Variants in ST6GALNAC5 observed in about 807,000 individuals in gnomAD.
ST6GALNAC5 encodes the protein ST6 N-acetylgalactosaminide alpha-2,6-sialyltransferase 5, also known as alpha-N-acetylgalactosaminide alpha-2,6-sialyltransferase 5.
In ST6GALNAC5, 27 loss-of-function variants were observed where a neutral mutation model predicts 33.6. That is an observed-to-expected ratio of 0.80 (90% confidence interval 0.59 to 1.11). The LOEUF (loss-of-function observed/expected upper bound fraction) is 1.11. Ranked by LOEUF, ST6GALNAC5 falls within the 50% of genes least tolerant of loss-of-function variation. The pLI is 0.00. For missense variants in ST6GALNAC5, 428 were observed against 454.0 expected (o/e 0.94, Z 0.52); for synonymous variants, 194 against 171.2 (o/e 1.13, Z -1.04).
intron 2 of ST6GALNAC5, among the ~76,000 whole-genome samples, chr1:77,041,481 T>C (rs565010372): frequency 6.6e-6 from 1 of 152,360 alleles, no homozygotes; most frequent in South Asian, 2.1e-4. Flanking sequence ...TGGTACGTAA[T>C]AGGAATTTCA....
chr1:76,992,735 T>A (rs531227879), intron 2 of ST6GALNAC5, among the ~76,000 whole-genome samples: 4 of 152,168 alleles, frequency 2.6e-5, no homozygotes, highest in Non-Finnish European at 5.9e-5. Flanking sequence ...GCTCAAGTTA[T>A]CTGCCCACCT....
At chr1:76,969,008 TA>T (rs1301349496) in intron 2 of ST6GALNAC5, among the ~76,000 whole-genome samples, 2 of 152,300 alleles carry the variant, frequency 1.3e-5, no homozygotes, top group Non-Finnish European at 2.9e-5. Flanking sequence ...TGGTTGCCCT[TA>T]ACTTTTTTCC....
chr1:76,945,321 A>G (rs776073343), intron 2 of ST6GALNAC5, among the ~76,000 whole-genome samples: 2 of 152,122 alleles, frequency 1.3e-5, no homozygotes, highest in African/African-American at 2.4e-5. Context: ...TTTTGATTAG[A>G]CCAGAAGCAT....
At chr1:77,029,100 T>G (rs1383640500) in intron 2 of ST6GALNAC5, among the ~76,000 whole-genome samples, 2 of 152,124 alleles carry the variant, frequency 1.3e-5, no homozygotes, top group Non-Finnish European at 1.5e-5. Context: ...AATATAGACT[T>G]CCCTCTTTAG....
At chr1:76,976,181 G>C (rs1380759416) in intron 2 of ST6GALNAC5, among the ~76,000 whole-genome samples, 1 of 151,962 alleles carries the variant, frequency 6.6e-6, no homozygotes, top group African/African-American at 2.4e-5. Context: ...GGACTTCCAG[G>C]GTGCTGATAT....
At chr1:76,867,861 C>T (rs1400650917) in intron 1 of ST6GALNAC5, among the ~76,000 whole-genome samples, 171 bp downstream of exon 1, 1 of 152,058 alleles carries the variant, frequency 6.6e-6, no homozygotes, top group Non-Finnish European at 1.5e-5. Flanking sequence ...TCCAGCTCTG[C>T]CTGGCTCGGA....
intron 4 of ST6GALNAC5, among the ~76,000 whole-genome samples, chr1:77,054,177 T>A (rs1652316485): frequency 6.6e-6 from 1 of 152,216 alleles, no homozygotes; most frequent in South Asian, 2.1e-4. Flanking sequence ...AATTAAATCA[T>A]GAGGTACAGA....
chr1:76,915,285 C>T lies in ST6GALNAC5; in HGVS notation c.261+46543C>T, dbSNP rs1344155008. Reference sequence around the variant, plus strand: ...TCAACCATCGTGGAAGTCAGTGTGGCGATTCCTCAGGGATCTAGAACTAGA... The same window carrying T: ...TCAACCATCGTGGAAGTCAGTGTGGTGATTCCTCAGGGATCTAGAACTAGA... On this transcript the variant is annotated intron_variant, in intron 2 of 4. Transcript: ENST00000477717. Among the ~76,000 whole-genome samples, 4 of 151,870 alleles carry T rather than the reference C, an allele frequency of 2.6e-5. No individual in the cohort carries two copies. In the East Asian group the frequency reaches 5.8e-4, roughly 22 times the overall value.
intron 2 of ST6GALNAC5, among the ~76,000 whole-genome samples, chr1:76,885,365 A>C (rs1446712917): frequency 1.3e-5 from 2 of 152,214 alleles, no homozygotes; most frequent in African/African-American, 2.4e-5. Flanking sequence ...AAAAAGAGGA[A>C]AGTTACAATT....
At chr1:76,878,135 G>A (rs1198746734) in intron 2 of ST6GALNAC5, among the ~76,000 whole-genome samples, 5 of 152,182 alleles carry the variant, frequency 3.3e-5, no homozygotes, top group African/African-American at 1.2e-4. Flanking sequence ...AGTCCTTGAT[G>A]GTGGCACTAA....
At chr1:76,925,111 G>C (rs1302397042) in intron 2 of ST6GALNAC5, among the ~76,000 whole-genome samples, 1 of 151,888 alleles carries the variant, frequency 6.6e-6, no homozygotes, top group Non-Finnish European at 1.5e-5. Flanking sequence ...GAGGGAGGGG[G>C]AAGGTGCTAC....
At chr1:76,999,192 G>C (rs1650048940) in intron 2 of ST6GALNAC5, among the ~76,000 whole-genome samples, 1 of 152,180 alleles carries the variant, frequency 6.6e-6, no homozygotes, top group South Asian at 2.1e-4. Flanking sequence ...GATTTCCCTT[G>C]TAGCGTGTTG....
At chr1:76,886,853 T>C (rs1653907235) in intron 2 of ST6GALNAC5, among the ~76,000 whole-genome samples, 1 of 152,228 alleles carries the variant, frequency 6.6e-6, no homozygotes, top group Non-Finnish European at 1.5e-5. Context: ...TTTTTTAAGG[T>C]TCATCTGTGT....
intron 4 of ST6GALNAC5, among the ~76,000 whole-genome samples, chr1:77,051,631 A>G (rs1652222634): frequency 6.6e-6 from 1 of 152,212 alleles, no homozygotes; most frequent in Non-Finnish European, 1.5e-5. Flanking sequence ...TAGTAAGTAC[A>G]TGGCAAGCAC....
intron 2 of ST6GALNAC5, among the ~76,000 whole-genome samples, chr1:76,940,226 C>T (rs1425527384): frequency 1.3e-5 from 2 of 152,018 alleles, no homozygotes; most frequent in African/African-American, 4.8e-5. Context: ...GAGAGTACAA[C>T]TTTCTGAGTT....
Position 77,063,592 on chromosome 1 carries a change from T to C in ST6GALNAC5, c.*386T>C. 4.5e-6 allele frequency: 1 copy of C among 222,376 alleles called. No homozygotes were observed. Among genetic ancestry groups the C allele is most frequent in the Non-Finnish European group, 9.0e-6 (1 of 110,532 alleles). 13.8% of individuals were successfully genotyped at this position (222,376 alleles called of 1,614,324 possible). On this transcript the variant is annotated 3_prime_UTR_variant, in exon 5 of 5. Transcript: ENST00000477717. ...TCAAAGACGTTTTTCTATCAAGTTG[T>C]ATTCTTTCCTGTTCTATAACCTTTG...
At chr1:77,035,048 G>A (rs1041619019) in intron 2 of ST6GALNAC5, among the ~76,000 whole-genome samples, 6 of 152,184 alleles carry the variant, frequency 3.9e-5, no homozygotes, top group African/African-American at 1.4e-4. Flanking sequence ...GGATGAATCA[G>A]AAGCACTGGA....
intron 2 of ST6GALNAC5, among the ~76,000 whole-genome samples, chr1:76,896,173 G>T (rs2100257568): frequency 6.6e-6 from 1 of 152,296 alleles, no homozygotes; most frequent in South Asian, 2.1e-4. Flanking sequence ...CTGACAGAAG[G>T]GAAGAAATGA....
At chr1:77,046,613 G>T (rs1652019814) in intron 3 of ST6GALNAC5, among the ~76,000 whole-genome samples, 1 of 152,162 alleles carries the variant, frequency 6.6e-6, no homozygotes, top group African/African-American at 2.4e-5. Context: ...GTCATGCATT[G>T]ACCTTTGCAA....
Sources: gnomAD v4.1 joint callset for allele counts (sites outside exome capture counted in the v4.1 genomes callset) on GRCh38, gnomAD v4.1.1 for gene constraint, MANE v1.5 for transcripts, NCBI Gene and HGNC (gene_info 2026-07-23, HGNC 2026-07-21) for gene names.